RFC2: variants seen among roughly 807,000 people sequenced by gnomAD.
RFC2 encodes A1 40 kDa subunit.
A neutral mutation model predicts 44.8 loss-of-function variants in RFC2; 34 were observed. That is an observed-to-expected ratio of 0.76 (90% confidence interval 0.58 to 1.01). RFC2 has a LOEUF of 1.01. Ranked by LOEUF, RFC2 falls within the 50% of genes least tolerant of loss-of-function variation. The pLI, the probability that RFC2 is intolerant of heterozygous loss-of-function variation, is 0.00. For missense variants in RFC2, 400 were observed against 453.6 expected (o/e 0.88, Z 1.07); for synonymous variants, 177 against 168.9 (o/e 1.05, Z -0.37).
Position 74,240,109 on chromosome 7 carries a change from G to C in RFC2, c.536-14C>G. ...ACTGAATGGGCTCTGAACAGAGACG[G>C]GACAGTAGTGAGGCTTCCCTGCAGA... On this transcript the variant is annotated splice_polypyrimidine_tract_variant and intron_variant, in intron 6 of 10. Coordinates refer to ENST00000055077, the MANE Select transcript of RFC2 (RefSeq NM_181471.3). 6.2e-7 allele frequency: 1 copy of C among 1,610,840 alleles called. No individual in the cohort carries two copies. Among genetic ancestry groups the C allele is most frequent in the African/African-American group, 1.3e-5 (1 of 74,984 alleles).
At chr7:74,233,636 T>A (rs1443593325) in intron 10 of RFC2, 1 of 188,164 alleles carries the variant, frequency 5.3e-6, no homozygotes, top group Non-Finnish European at 1.1e-5. Flanking sequence ...GTCTCACTCT[T>A]GTCGCCCAAG....
intron 7 of RFC2, 44 bp from the exon 8 acceptor site, chr7:74,239,032 T>C (rs1554718826): frequency 5.9e-6 from 9 of 1,534,102 alleles, no homozygotes; most frequent in Admixed American, 1.7e-5. Context: ...TTTATATTTA[T>C]TTCTTTTTGA....
In RFC2 at chr7:74,232,175, G is replaced by A; in HGVS notation, c.996C>T (p.Asn332=). 6.2e-7 allele frequency: 1 copy of A among 1,613,294 alleles called. No individual in the cohort carries two copies. Among genetic ancestry groups the A allele is most frequent in the Non-Finnish European group, 8.5e-7 (1 of 1,179,260 alleles). Residue 332 remains asparagine, a synonymous_variant, in exon 11 of 11, where the codon AAC becomes AAT. Coordinates refer to ENST00000055077, the MANE Select transcript of RFC2 (RefSeq NM_181471.3). The stretch of plus-strand genomic sequence containing the variant: ...GGAGGCCTGCCATCTGCAAAAGAGA[G>A]TTCACTCCTTCCGCTATTTTCATGT... The part of the protein sequence containing the change: ...YTHMKIAEGV[N]SLLQMAGLLA...
intron 3 of RFC2, 55 bp downstream of exon 3, chr7:74,249,684 C>T (rs1232398150): frequency 4.9e-6 from 7 of 1,441,136 alleles, no homozygotes; most frequent in South Asian, 1.1e-5. Context: ...AGCAGTTCAG[C>T]GGACAGTGGG....
rs781968044 is a variant in RFC2 at position 74,249,059 on chromosome 7, G to A, written c.285C>T (p.Gly95=). ...CCAACATGGCATCTTTGAGTGCTGG[G>A]CCCAGCAGGGCCCGGGCCAAGCACA... ...SILCLARALL[G]PALKDAMLEL... Residue 95 remains glycine, a synonymous_variant, in exon 4 of 11, where the codon GGC becomes GGT. Coordinates refer to ENST00000055077, the MANE Select transcript of RFC2 (RefSeq NM_181471.3). 1 of 1,613,850 alleles carries A rather than the reference G, an allele frequency of 6.2e-7. No homozygotes were observed. The highest frequency in any genetic ancestry group is 1.3e-5 in the African/African-American group (1 of 74,898).
chr7:74,243,169 C>T lies in RFC2; in HGVS notation c.512G>A (p.Cys171Tyr), dbSNP rs1803431295. 1 of 1,613,546 alleles carries T rather than the reference C, an allele frequency of 6.2e-7. No homozygotes were observed. The highest frequency in any genetic ancestry group is 8.5e-7 in the Non-Finnish European group (1 of 1,179,506). The stretch of plus-strand genomic sequence containing the variant: ...ACCGATGATCTTATCCGAAGCATTA[C>T]AAGCAAGGGCGAAGCGAGTGGTTTT... ...YSKTTRFALA[C>Y]NASDKIIEPI... is the part of the protein sequence containing the mutation. Residue 171 changes from cysteine (C) to tyrosine (Y), a missense_variant, in exon 6 of 11, where the codon TGT (cysteine) becomes TAT (tyrosine). By Grantham distance (194) the Cys-to-Tyr change is radical (BLOSUM62 -2). Transcript: ENST00000055077.
intron 2 of RFC2, among the ~76,000 whole-genome samples, chr7:74,251,436 C>T (rs565839118): frequency 6.6e-6 from 1 of 152,266 alleles, no homozygotes; most frequent in East Asian, 1.9e-4. Context: ...GTAATCTGCC[C>T]GCCTTAGCCT....
At chr7:74,247,938 TATAC>T (rs1338182997) in intron 4 of RFC2, among the ~76,000 whole-genome samples, 1 of 152,066 alleles carries the variant, frequency 6.6e-6, no homozygotes. Context: ...CATATTAACT[TATAC>T]ACATCCTCCA....
rs1554718487 is a variant in RFC2 at position 74,237,349 on chromosome 7, G to T, written c.840+13C>A. The T allele has an allele frequency of 6.3e-7, 1 of 1,595,724 alleles. No homozygotes were observed. ...AGCGGTTCCTCTGCCAGGACGGGGG[G>T]AAGGAGGCCAACCTTGTAGGCTTCG... On this transcript the variant is annotated intron_variant, in intron 9 of 10. Transcript: ENST00000055077.
chr7:74,247,122 CAA>C (rs74906792), intron 4 of RFC2, among the ~76,000 whole-genome samples: 7 of 102,100 alleles, frequency 6.9e-5, no homozygotes, highest in Admixed American at 1.0e-4. Flanking sequence ...TAATTCGTCT[CAA>C]AAAAAAAAAA....
rs1358440743 is a variant in RFC2, at chr7:74,231,692, T to TA, written c.*413_*414insT. 4.4e-4 allele frequency: 69 copies of TA among 155,564 alleles called. No individual in the cohort carries two copies. The highest frequency in any genetic ancestry group is 7.6e-4 in the Non-Finnish European group (53 of 69,940). 9.6% of individuals were successfully genotyped at this position (155,564 alleles called of 1,614,324 possible). ...AAGTCACGGGAGTTTATTTATTTAA[T>TA]TTTTTTCCCCAGATGGAGACTCTGT... On this transcript the variant is annotated 3_prime_UTR_variant, in exon 11 of 11. Coordinates refer to ENST00000055077, the MANE Select transcript of RFC2 (RefSeq NM_181471.3).
intron 3 of RFC2, 103 bp from the exon 4 acceptor site, chr7:74,249,221 C>A: frequency 6.4e-7 from 1 of 1,573,178 alleles, no homozygotes; most frequent in Non-Finnish European, 8.6e-7. Flanking sequence ...CCTCTGACCC[C>A]TGCATTCCAC....
At chr7:74,233,580 T>C (rs1584240256) in intron 10 of RFC2, among the ~76,000 whole-genome samples, 1 of 151,452 alleles carries the variant, frequency 6.6e-6, no homozygotes, top group African/African-American at 2.4e-5. Flanking sequence ...GGTTATTTTG[T>C]TGTTGTTGTT....
At position 74,243,264 on chromosome 7, in the gene RFC2, A is replaced by G. The variant is rs377423144; in HGVS notation, c.435-18T>C. ...CGGTCATGCTGAGAAGAAAAACACA[A>G]GTTTGCAAGTGGGACCCAGAGACCA... On this transcript the variant is annotated intron_variant, in intron 5 of 10. Transcript: ENST00000055077. The G allele has an allele frequency of 3.9e-6, 6 of 1,557,332 alleles. No individual in the cohort carries two copies. In the African/African-American group the frequency reaches 6.8e-5, roughly 18 times the overall value.
chr7:74,253,507 T>C (rs1787095282), intron 1 of RFC2: 3 of 152,212 alleles, frequency 2.0e-5, no homozygotes, highest in Admixed American at 2.0e-4. Context: ...GACGGATCAC[T>C]TGAGATCAGG....
intron 10 of RFC2, among the ~76,000 whole-genome samples, chr7:74,232,737 C>T (rs532691249): frequency 2.0e-5 from 3 of 152,204 alleles, no homozygotes; most frequent in South Asian, 2.1e-4. Context: ...TGGTGGCGCA[C>T]GCCTGTAATC....
chr7:74,245,205 T>C (rs1228576700), intron 5 of RFC2, among the ~76,000 whole-genome samples: 1 of 151,584 alleles, frequency 6.6e-6, no homozygotes, highest in African/African-American at 2.4e-5. Context: ...AATTTTGTAT[T>C]TTTAGTAGAG....
intron 2 of RFC2, 23 bp downstream of exon 2, chr7:74,252,406 C>CAA (rs781815170): frequency 5.1e-4 from 558 of 1,096,566 alleles, no homozygotes; most frequent in Non-Finnish European, 5.9e-4. Context: ...GACTCTGTCT[C>CAA]AAAAAAAAAA....
At chr7:74,243,021 C>A in intron 6 of RFC2, 125 bp downstream of exon 6, 3 of 630,732 alleles carry the variant, frequency 4.8e-6, no homozygotes, top group Non-Finnish European at 8.4e-6. Context: ...GAGTTTGAGG[C>A]TGCAGTGAGC....
Sources: gnomAD v4.1 joint callset for allele counts (sites outside exome capture counted in the v4.1 genomes callset) on GRCh38, gnomAD v4.1.1 for gene constraint, MANE v1.5 for transcripts, NCBI Gene and HGNC (gene_info 2026-07-23, HGNC 2026-07-21) for gene names.